The following C12orf42 variants were observed in gnomAD, a reference collection of about 807,000 sequenced individuals.
C12orf42 encodes the protein uncharacterized protein C12orf42.
C12orf42 carries 25 observed loss-of-function variants against 21.6 expected under a neutral mutation model. That is an observed-to-expected ratio of 1.16 (90% CI 0.84 to 1.62). C12orf42 has a LOEUF of 1.62. Among genes scored for constraint, C12orf42 ranks in the 40% most tolerant of loss-of-function variants. The pLI is 0.00. For missense variants in C12orf42, 483 were observed against 459.3 expected (o/e 1.05, Z -0.47); for synonymous variants, 174 against 175.0 (o/e 0.99, Z 0.05).
chr12:103,277,645 G>A (rs2035851653), intron 4 of C12orf42, among the ~76,000 whole-genome samples: 2 of 150,562 alleles, frequency 1.3e-5, no homozygotes, highest in African/African-American at 4.9e-5. Flanking sequence ...TTTTGAGATG[G>A]AGTCTCGCTT....
chr12:103,421,956 T>C (rs1048784156), intron 2 of C12orf42, among the ~76,000 whole-genome samples: 2 of 152,244 alleles, frequency 1.3e-5, no homozygotes, highest in Non-Finnish European at 2.9e-5. Context: ...TCAGAAATTA[T>C]ATTATTTGTT....
intron 3 of C12orf42, among the ~76,000 whole-genome samples, chr12:103,400,892 C>T (rs990934108): frequency 6.6e-6 from 1 of 152,090 alleles, no homozygotes; most frequent in Admixed American, 6.5e-5. Context: ...TTGCAATTCC[C>T]TTCATGGTAA....
At chr12:103,256,173 T>C (rs1292126183) in intron 10 of C12orf42, among the ~76,000 whole-genome samples, 2 of 126,176 alleles carry the variant, frequency 1.6e-5, no homozygotes, top group East Asian at 2.2e-4. Flanking sequence ...TATATACACA[T>C]ATATATACAT....
the C12orf42 span, among the ~76,000 whole-genome samples, chr12:103,121,361 GC>G: frequency 1.3e-5 from 2 of 152,224 alleles, no homozygotes; most frequent in African/African-American, 2.4e-5. Context: ...TGGTCAGCAG[GC>G]TGAATAGAAG....
At chr12:103,419,777 TGTGTG>T (rs1157233848) in intron 2 of C12orf42, among the ~76,000 whole-genome samples, 2 of 152,156 alleles carry the variant, frequency 1.3e-5, no homozygotes, top group African/African-American at 4.8e-5. Flanking sequence ...CTGGCCACCT[TGTGTG>T]GATACCTCGT....
the C12orf42 span, among the ~76,000 whole-genome samples, chr12:103,513,541 G>A: frequency 6.6e-6 from 1 of 152,044 alleles, no homozygotes; most frequent in Admixed American, 6.5e-5. Flanking sequence ...CAAACTTTAT[G>A]ATCAGCCTTC....
intron 2 of C12orf42, among the ~76,000 whole-genome samples, chr12:103,459,554 A>G (rs1016657559): frequency 1.3e-5 from 2 of 152,164 alleles, no homozygotes; most frequent in Non-Finnish European, 2.9e-5. Context: ...CCTTACCAGA[A>G]GCAGATGCTG....
chr12:103,124,312 A>C, the C12orf42 span, among the ~76,000 whole-genome samples: 1 of 151,924 alleles, frequency 6.6e-6, no homozygotes, highest in South Asian at 2.1e-4. Context: ...TCCACAGAAA[A>C]GTGTGTACCA....
At chr12:103,415,676 G>A (rs188739543) in intron 2 of C12orf42, among the ~76,000 whole-genome samples, 2 of 152,230 alleles carry the variant, frequency 1.3e-5, no homozygotes, top group East Asian at 1.9e-4. Context: ...TGCCATGACC[G>A]CCTGAGACTC....
chr12:103,543,890 TGTTTTG>T, the C12orf42 span, among the ~76,000 whole-genome samples: 1 of 109,044 alleles, frequency 9.2e-6, no homozygotes, highest in Non-Finnish European at 2.0e-5. Flanking sequence ...GTTTTTTTTT[TGTTTTG>T]TTTTTTGTTT....
chr12:103,501,265 C>A, the C12orf42 span, among the ~76,000 whole-genome samples: 1 of 152,118 alleles, frequency 6.6e-6, no homozygotes, highest in Non-Finnish European at 1.5e-5. Flanking sequence ...GAGGTTTGAG[C>A]AATTCACTGG....
At chr12:103,292,842 T>C (rs889866518) in intron 4 of C12orf42, among the ~76,000 whole-genome samples, 1 of 152,062 alleles carries the variant, frequency 6.6e-6, no homozygotes. Flanking sequence ...AACTTCAAAA[T>C]GAAATGCAGC....
the C12orf42 span, among the ~76,000 whole-genome samples, chr12:103,200,495 A>G: frequency 6.6e-6 from 1 of 152,350 alleles, no homozygotes; most frequent in African/African-American, 2.4e-5. Flanking sequence ...TCACACAAAA[A>G]ATAATAAATA....
At chr12:103,213,797 T>C in the C12orf42 span, among the ~76,000 whole-genome samples, 3 of 152,252 alleles carry the variant, frequency 2.0e-5, no homozygotes, top group Non-Finnish European at 4.4e-5. Flanking sequence ...CCATGGACTA[T>C]GAGTCCCCCA....
intron 4 of C12orf42, among the ~76,000 whole-genome samples, chr12:103,344,546 C>G (rs1388800503): frequency 6.6e-6 from 1 of 152,060 alleles, no homozygotes; most frequent in African/African-American, 2.4e-5. Context: ...AGAAATTGAC[C>G]CACCCATAGC....
the C12orf42 span, among the ~76,000 whole-genome samples, chr12:103,171,534 G>A: frequency 5.3e-5 from 8 of 152,110 alleles, no homozygotes; most frequent in Non-Finnish European, 8.8e-5. Flanking sequence ...AATCAATGGG[G>A]AAGGTAGAGT....
At chr12:103,223,574 T>C in the C12orf42 span, among the ~76,000 whole-genome samples, 9 of 152,172 alleles carry the variant, frequency 5.9e-5, no homozygotes, top group Admixed American at 5.9e-4. Context: ...CCAGGAGATA[T>C]CAGCTGTGGT....
chr12:103,363,382 A>G (rs2044286931), intron 4 of C12orf42, among the ~76,000 whole-genome samples: 1 of 152,188 alleles, frequency 6.6e-6, no homozygotes, highest in East Asian at 1.9e-4. Flanking sequence ...ACATCAAAAC[A>G]GGACCTCTTT....
At chr12:103,195,581 A>G in the C12orf42 span, among the ~76,000 whole-genome samples, 2 of 151,850 alleles carry the variant, frequency 1.3e-5, no homozygotes, top group African/African-American at 4.8e-5. Context: ...TGTTGGCTAG[A>G]TGTATATTTT....
Sources: gnomAD v4.1 joint callset for allele counts (sites outside exome capture counted in the v4.1 genomes callset) on GRCh38, gnomAD v4.1.1 for gene constraint, MANE v1.5 for transcripts, NCBI Gene and HGNC (gene_info 2026-07-23, HGNC 2026-07-21) for gene names.